Variants in CERT1 observed in about 807,000 individuals in gnomAD.
CERT1 encodes ceramide transporter 1, also known as ceramide transfer protein.
In CERT1, 31 loss-of-function variants were observed where a neutral mutation model predicts 87.9. The observed-to-expected ratio is 0.35, with a 90% CI of 0.27 to 0.48. The LOEUF (loss-of-function observed/expected upper bound fraction) is 0.48. CERT1 is among the 20% of genes least tolerant of loss of function. The pLI is 0.99. For missense variants in CERT1, 487 were observed against 758.0 expected (o/e 0.64, Z 4.20); for synonymous variants, 289 against 250.9 (o/e 1.15, Z -1.44).
At chr5:75,448,246 T>C (rs1255092187) in intron 3 of CERT1, among the ~76,000 whole-genome samples, 1 of 151,986 alleles carries the variant, frequency 6.6e-6, no homozygotes, top group South Asian at 2.1e-4. Context: ...ATCAGAGGAG[T>C]ACTACTAAAA....
intron 15 of CERT1, 76 bp downstream of exon 15, chr5:75,381,873 G>A (rs981259266): frequency 1.5e-6 from 2 of 1,336,490 alleles, no homozygotes; most frequent in East Asian, 4.9e-5. Flanking sequence ...TATGGGCTGT[G>A]TTTATCATTT....
chr5:75,413,903 T>G (rs773811993), intron 7 of CERT1, among the ~76,000 whole-genome samples: 1 of 152,150 alleles, frequency 6.6e-6, no homozygotes, highest in Non-Finnish European at 1.5e-5. Context: ...CTCCAAGGTA[T>G]GAGAAATATA....
intron 7 of CERT1, 77 bp downstream of exon 7, chr5:75,416,799 T>C (rs748372226): frequency 1.3e-4 from 169 of 1,267,052 alleles, no homozygotes; most frequent in Non-Finnish European, 1.8e-4. Flanking sequence ...CCTAAGAAGT[T>C]AGCTTGTTTT....
chr5:75,450,416 G>A (rs1305883841), intron 3 of CERT1, among the ~76,000 whole-genome samples: 2 of 152,096 alleles, frequency 1.3e-5, no homozygotes, highest in African/African-American at 4.8e-5. Context: ...AGAGAGTAGG[G>A]CCCTGAAAGA....
At chr5:75,443,739 A>G (rs1224466796) in intron 3 of CERT1, among the ~76,000 whole-genome samples, 1 of 152,176 alleles carries the variant, frequency 6.6e-6, no homozygotes, top group Non-Finnish European at 1.5e-5. Context: ...CTGGTCTATT[A>G]CTGAAAAAGG....
chr5:75,496,980 T>G (rs73764919), intron 2 of CERT1, among the ~76,000 whole-genome samples: 55 of 152,236 alleles, frequency 3.6e-4, no homozygotes, highest in African/African-American at 1.3e-3. Context: ...ACATATCTTT[T>G]TTTTAAAAAA....
At chr5:75,471,449 A>T (rs1425830184) in intron 2 of CERT1, among the ~76,000 whole-genome samples, 1 of 152,124 alleles carries the variant, frequency 6.6e-6, no homozygotes, top group Non-Finnish European at 1.5e-5. Flanking sequence ...TTATGACCTT[A>T]TGGGACTACT....
At chr5:75,469,709 G>C (rs1255932757) in intron 2 of CERT1, among the ~76,000 whole-genome samples, 5 of 152,066 alleles carry the variant, frequency 3.3e-5, no homozygotes, top group Non-Finnish European at 5.9e-5. Context: ...AGTGGCAGCA[G>C]TTAAGCCCTT....
At chr5:75,417,060 A>G (rs1245477422) in intron 6 of CERT1, 27 bp from the exon 7 acceptor site, 2 of 1,468,132 alleles carry the variant, frequency 1.4e-6, no homozygotes, top group Admixed American at 1.8e-5. Context: ...TTCACTGAAA[A>G]TATCTCTAAT....
At chr5:75,487,241 G>A (rs924820814) in intron 2 of CERT1, among the ~76,000 whole-genome samples, 3 of 151,936 alleles carry the variant, frequency 2.0e-5, no homozygotes, top group Non-Finnish European at 4.4e-5. Flanking sequence ...AAGGACAGTC[G>A]CTTCAATAAA....
intron 14 of CERT1, 24 bp from the exon 15 acceptor site, chr5:75,382,101 G>C: frequency 6.2e-7 from 1 of 1,601,712 alleles, no homozygotes; most frequent in Non-Finnish European, 8.5e-7. Flanking sequence ...AAAATCTTTT[G>C]AAAAACAGAT....
chr5:75,374,035 C>A, downstream of CERT1: 1 of 398,456 alleles, frequency 2.5e-6, no homozygotes, highest in South Asian at 1.3e-4. Flanking sequence ...GTTAGATGTT[C>A]AGCTTTGCTA....
downstream of CERT1, chr5:75,372,887 T>C (rs1231729504): frequency 2.0e-5 from 3 of 152,220 alleles, no homozygotes; most frequent in Non-Finnish European, 4.4e-5. Flanking sequence ...CAGCAAAGCA[T>C]CTACAAAATG....
At chr5:75,509,169 G>T (rs1767797804) in intron 1 of CERT1, among the ~76,000 whole-genome samples, 1 of 151,962 alleles carries the variant, frequency 6.6e-6, no homozygotes, top group Non-Finnish European at 1.5e-5. Context: ...CCCCATTTTG[G>T]GGGAGAAACA....
At chr5:75,484,188 T>C (rs537888392) in intron 2 of CERT1, among the ~76,000 whole-genome samples, 1 of 152,048 alleles carries the variant, frequency 6.6e-6, no homozygotes, top group East Asian at 1.9e-4. Flanking sequence ...GGCTTGTTAT[T>C]TGAAAGCCTC....
At chr5:75,461,165 T>C (rs2112318755) in intron 2 of CERT1, among the ~76,000 whole-genome samples, 1 of 152,286 alleles carries the variant, frequency 6.6e-6, no homozygotes, top group African/African-American at 2.4e-5. Context: ...CACAAACCCG[T>C]GCCAGTCCAT....
intron 8 of CERT1, among the ~76,000 whole-genome samples, chr5:75,409,089 T>C (rs1035570676): frequency 1.1e-4 from 16 of 152,092 alleles, no homozygotes; most frequent in African/African-American, 3.6e-4. Context: ...CTTCCTATAA[T>C]GAATATACAT....
chr5:75,507,067 T>C (rs531160006), intron 1 of CERT1, among the ~76,000 whole-genome samples: 1 of 152,272 alleles, frequency 6.6e-6, no homozygotes, highest in South Asian at 2.1e-4. Flanking sequence ...CACTGAGAAA[T>C]CTTTTATTTT....
chr5:75,459,723 G>T (rs1440371664), intron 2 of CERT1, among the ~76,000 whole-genome samples: 1 of 152,056 alleles, frequency 6.6e-6, no homozygotes, highest in Non-Finnish European at 1.5e-5. Flanking sequence ...CCAGCACTTT[G>T]GAAGGCCAAG....
Sources: allele counts gnomAD v4.1 joint callset (sites outside exome capture counted in the v4.1 genomes callset), GRCh38; gene constraint gnomAD v4.1.1; transcripts MANE v1.5; gene names NCBI Gene and HGNC (gene_info 2026-07-23, HGNC 2026-07-21).